DNM3: variants seen among roughly 807,000 people sequenced by gnomAD.
DNM3 encodes dynamin-3.
DNM3 carries 47 observed loss-of-function variants against 101.6 expected under a neutral mutation model. The ratio of observed to expected loss-of-function variants is 0.46; its 90% confidence interval spans 0.37 to 0.59. The LOEUF (loss-of-function observed/expected upper bound fraction) is 0.59, where lower values mean the gene tolerates loss of function less well. Among genes scored for constraint, DNM3 ranks in the 20% least tolerant of loss-of-function variants. The probability of loss-of-function intolerance (pLI) is 0.00; values close to 1 mark genes in which losing one functional copy is unlikely to be tolerated. For synonymous variants in DNM3, 385 were observed against 387.9 expected, an observed-to-expected ratio of 0.99 and a Z score of 0.09; for missense variants, 849 against 1,085.7, an observed-to-expected ratio of 0.78 and a Z score of 3.06.
chr1:172,196,155 T>C (rs115772098), intron 14 of DNM3, among the ~76,000 whole-genome samples: 2,271 of 151,972 alleles, frequency 0.015, 36 homozygotes, highest in Admixed American at 0.045. Context: ...GAACATATGG[T>C]ATTTGGTTTT....
chr1:172,162,104 C>A (rs918482932), intron 14 of DNM3, among the ~76,000 whole-genome samples: 3 of 152,040 alleles, frequency 2.0e-5, no homozygotes, highest in Admixed American at 1.3e-4. Context: ...ATATATTAGA[C>A]ATGGACTTAT....
intron 14 of DNM3, among the ~76,000 whole-genome samples, chr1:172,240,372 G>A (rs2061705049): frequency 6.6e-6 from 1 of 152,038 alleles, no homozygotes; most frequent in Non-Finnish European, 1.5e-5. Flanking sequence ...ATTTTTGTTT[G>A]CAGCTTGGTG....
intron 14 of DNM3, among the ~76,000 whole-genome samples, chr1:172,201,705 A>G (rs929950811): frequency 2.0e-5 from 3 of 152,202 alleles, no homozygotes; most frequent in African/African-American, 4.8e-5. Flanking sequence ...GTTCCACTGC[A>G]AAGGCAATGG....
chr1:172,151,927 G>A (rs1166486647), intron 14 of DNM3, among the ~76,000 whole-genome samples: 1 of 152,170 alleles, frequency 6.6e-6, no homozygotes, highest in Non-Finnish European at 1.5e-5. Flanking sequence ...TCAGGCTGGA[G>A]TGCAGTGGTG....
At chr1:172,003,421 A>G (rs545546443) in intron 4 of DNM3, among the ~76,000 whole-genome samples, 290 of 152,178 alleles carry the variant, frequency 1.9e-3, no homozygotes, top group Middle Eastern at 0.01. Context: ...AGATTCATAC[A>G]GTTATTTTGT....
chr1:171,881,890 C>T (rs1424041741), intron 1 of DNM3, among the ~76,000 whole-genome samples: 1 of 152,126 alleles, frequency 6.6e-6, no homozygotes, highest in African/African-American at 2.4e-5. Context: ...GAAAACGTTG[C>T]ATAACATTTT....
chr1:172,295,310 G>A (rs1337566261), intron 15 of DNM3, among the ~76,000 whole-genome samples: 3 of 152,142 alleles, frequency 2.0e-5, no homozygotes, highest in Non-Finnish European at 4.4e-5. Flanking sequence ...GAAGATGCCT[G>A]ATGGTAAATA....
intron 2 of DNM3, among the ~76,000 whole-genome samples, chr1:171,924,467 G>A (rs1486939886): frequency 6.6e-6 from 1 of 152,176 alleles, no homozygotes; most frequent in Non-Finnish European, 1.5e-5. Context: ...CATGGCTGGG[G>A]AGGTCTCAGG....
chr1:172,383,574 G>T (rs1394323900), intron 18 of DNM3, among the ~76,000 whole-genome samples: 1 of 152,138 alleles, frequency 6.6e-6, no homozygotes, highest in Non-Finnish European at 1.5e-5. Context: ...GAAACAAAGA[G>T]ATTTTAAGGA....
chr1:172,221,096 G>A (rs2060890483), intron 14 of DNM3, among the ~76,000 whole-genome samples: 1 of 151,834 alleles, frequency 6.6e-6, no homozygotes. Context: ...TCCTTATAGG[G>A]ACATATGGAG....
chr1:172,223,708 T>A (rs2060998490), intron 14 of DNM3, among the ~76,000 whole-genome samples: 1 of 152,164 alleles, frequency 6.6e-6, no homozygotes, highest in Non-Finnish European at 1.5e-5. Flanking sequence ...AGTTTTTAAA[T>A]ACATATACTC....
chr1:172,107,109 C>T (rs1289603423), intron 13 of DNM3, among the ~76,000 whole-genome samples: 1 of 151,594 alleles, frequency 6.6e-6, no homozygotes, highest in African/African-American at 2.4e-5. Context: ...ATCCACCCGC[C>T]TCGGCCTCCC....
chr1:171,992,204 G>A (rs1283537744), intron 4 of DNM3, among the ~76,000 whole-genome samples: 2 of 152,154 alleles, frequency 1.3e-5, no homozygotes, highest in Non-Finnish European at 2.9e-5. Context: ...TACCCCTGTT[G>A]TGCACATAGG....
intron 4 of DNM3, among the ~76,000 whole-genome samples, chr1:171,993,277 T>G (rs2045756870): frequency 6.6e-6 from 1 of 152,118 alleles, no homozygotes; most frequent in African/African-American, 2.4e-5. Context: ...TCTTGTAGGC[T>G]ATGTCTGTCA....
chr1:172,399,695 C>T (rs1413140515), intron 20 of DNM3: 4 of 151,934 alleles, frequency 2.6e-5, no homozygotes, highest in Admixed American at 2.0e-4. Context: ...GTTAGAGCTC[C>T]TCCTGCTGGA....
At chr1:172,174,649 T>G (rs1020868478) in intron 14 of DNM3, among the ~76,000 whole-genome samples, 39 of 151,750 alleles carry the variant, frequency 2.6e-4, no homozygotes, top group African/African-American at 9.4e-4. Context: ...TTACCTTATA[T>G]CAGAAAAAGC....
chr1:172,287,649 A>C (rs993738986), intron 15 of DNM3, among the ~76,000 whole-genome samples: 1 of 151,848 alleles, frequency 6.6e-6, no homozygotes, highest in African/African-American at 2.4e-5. Flanking sequence ...GGTCCAAAAA[A>C]CTCGTCCCTT....
At chr1:172,144,542 C>T in intron 14 of DNM3, 1 of 512,574 alleles carries the variant, frequency 2.0e-6, no homozygotes, top group South Asian at 1.5e-5. Flanking sequence ...CGTTGCTCTC[C>T]CTTGCCCAGT....
chr1:171,900,578 C>T (rs1056072410), intron 1 of DNM3, among the ~76,000 whole-genome samples: 4 of 151,968 alleles, frequency 2.6e-5, no homozygotes, highest in Non-Finnish European at 5.9e-5. Context: ...GGGCGGCTTC[C>T]AGGGTGAAGT....
Sources: allele counts gnomAD v4.1 joint callset (sites outside exome capture counted in the v4.1 genomes callset), GRCh38; gene constraint gnomAD v4.1.1; transcripts MANE v1.5; gene names NCBI Gene and HGNC (gene_info 2026-07-23, HGNC 2026-07-21).